Variants in ZNF438 observed in about 807,000 individuals in gnomAD.
ZNF438 encodes the protein zinc finger protein 438.
ZNF438 carries 25 observed loss-of-function variants against 38.0 expected under a neutral mutation model. The observed-to-expected ratio is 0.66, with a 90% confidence interval of 0.48 to 0.92. The LOEUF is 0.92. ZNF438 is among the 40% of genes least tolerant of loss of function. The probability of loss-of-function intolerance (pLI) is 0.00; values close to 1 mark genes in which losing one functional copy is unlikely to be tolerated. For synonymous variants in ZNF438, 372 were observed against 364.1 expected (o/e 1.02, Z -0.25); for missense variants, 1,007 against 999.6 (o/e 1.01, Z -0.10).
exon 6 of ZNF438, chr10:30,845,286 T>G: frequency 6.2e-7 from 1 of 1,614,144 alleles, no homozygotes; most frequent in African/African-American, 1.3e-5. Context: ...TGGACATGCA[T>G]GTGATTCCTC....
intron 3 of ZNF438, among the ~76,000 whole-genome samples, chr10:30,893,125 C>A (rs1005737583): frequency 3.3e-5 from 5 of 152,162 alleles, no homozygotes; most frequent in African/African-American, 9.7e-5. Context: ...TATCTAACAA[C>A]GCATGAAAGT....
intron 3 of ZNF438, among the ~76,000 whole-genome samples, chr10:30,891,861 C>T (rs1177579113): frequency 1.3e-5 from 2 of 152,100 alleles, no homozygotes; most frequent in Non-Finnish European, 2.9e-5. Context: ...GCAGAACATC[C>T]TTGGAATTTC....
At chr10:30,922,896 A>G (rs959920479) in intron 2 of ZNF438, among the ~76,000 whole-genome samples, 1 of 152,172 alleles carries the variant, frequency 6.6e-6, no homozygotes, top group South Asian at 2.1e-4. Flanking sequence ...CAAGTACACA[A>G]TGGAATTAAT....
At chr10:30,889,290 C>T (rs557663125) in intron 3 of ZNF438, among the ~76,000 whole-genome samples, 1 of 152,146 alleles carries the variant, frequency 6.6e-6, no homozygotes, top group African/African-American at 2.4e-5. Context: ...ATAGTAAATT[C>T]TTAATGCTTA....
intron 3 of ZNF438, among the ~76,000 whole-genome samples, chr10:30,900,755 G>A (rs2041882169): frequency 1.3e-5 from 2 of 152,066 alleles, no homozygotes. Context: ...ACAACAGAAG[G>A]TAAGTACACA....
chr10:30,893,760 T>G (rs923408280), intron 3 of ZNF438, among the ~76,000 whole-genome samples: 2 of 152,124 alleles, frequency 1.3e-5, no homozygotes, highest in Non-Finnish European at 2.9e-5. Context: ...CCTAAATCCT[T>G]TAGGGTACAA....
At chr10:30,874,862 T>A (rs891771157) in intron 4 of ZNF438, among the ~76,000 whole-genome samples, 2 of 151,602 alleles carry the variant, frequency 1.3e-5, no homozygotes, top group African/African-American at 4.8e-5. Context: ...TCTTTATAAA[T>A]TTTATGATAG....
At chr10:30,875,447 A>T (rs1320789535) in intron 4 of ZNF438, 1 of 980,960 alleles carries the variant, frequency 1.0e-6, no homozygotes, top group Non-Finnish European at 1.2e-6. Flanking sequence ...GCAGGTATGG[A>T]ATGGAGTCCA....
At chr10:31,000,877 T>C (rs2054586531) in intron 1 of ZNF438, among the ~76,000 whole-genome samples, 1 of 152,324 alleles carries the variant, frequency 6.6e-6, no homozygotes, top group African/African-American at 2.4e-5. Context: ...TCCAAAATCT[T>C]TTAGTGGCTT....
chr10:31,029,401 A>G (rs2057140134), intron 1 of ZNF438, among the ~76,000 whole-genome samples: 1 of 152,230 alleles, frequency 6.6e-6, no homozygotes, highest in Non-Finnish European at 1.5e-5. Context: ...TAAATTTGTA[A>G]TTTTCCTCAG....
intron 2 of ZNF438, among the ~76,000 whole-genome samples, chr10:30,940,985 T>C (rs1042505845): frequency 6.6e-6 from 1 of 152,200 alleles, no homozygotes; most frequent in Non-Finnish European, 1.5e-5. Flanking sequence ...ACGACTAGAC[T>C]TGATACAAAT....
intron 1 of ZNF438, among the ~76,000 whole-genome samples, chr10:30,957,302 C>G (rs2048967636): frequency 6.6e-6 from 1 of 152,176 alleles, no homozygotes; most frequent in African/African-American, 2.4e-5. Context: ...AACCCCTTGT[C>G]AGATGTGTAG....
chr10:30,980,782 A>C (rs1014480515), intron 1 of ZNF438, among the ~76,000 whole-genome samples: 2 of 152,224 alleles, frequency 1.3e-5, no homozygotes, highest in Admixed American at 6.5e-5. Flanking sequence ...CAACTTTTAG[A>C]GACCATAAAG....
intron 1 of ZNF438, among the ~76,000 whole-genome samples, chr10:30,991,352 T>C (rs571162930): frequency 5.8e-4 from 89 of 152,310 alleles, no homozygotes; most frequent in African/African-American, 2.0e-3. Context: ...TAGCCAGCCC[T>C]CATTTGTGGG....
intron 3 of ZNF438, among the ~76,000 whole-genome samples, chr10:30,907,118 G>A (rs1256775723): frequency 6.6e-6 from 1 of 152,172 alleles, no homozygotes; most frequent in Non-Finnish European, 1.5e-5. Context: ...GGGATCACAG[G>A]CATTCGCCAC....
intron 3 of ZNF438, among the ~76,000 whole-genome samples, chr10:30,902,222 C>T (rs1170260603): frequency 6.6e-6 from 1 of 152,106 alleles, no homozygotes; most frequent in Non-Finnish European, 1.5e-5. Flanking sequence ...TTACAGAGAG[C>T]TGATTGGTCT....
chr10:30,965,876 A>G (rs753567857), intron 1 of ZNF438, among the ~76,000 whole-genome samples: 1 of 152,196 alleles, frequency 6.6e-6, no homozygotes, highest in Non-Finnish European at 1.5e-5. Context: ...CAATATACTC[A>G]TGTAACAAAT....
At chr10:30,958,635 C>T (rs528742173) in intron 1 of ZNF438, among the ~76,000 whole-genome samples, 15 of 146,810 alleles carry the variant, frequency 1.0e-4, no homozygotes, top group African/African-American at 3.6e-4. Context: ...TATAGAGGAC[C>T]AGAATGTACT....
upstream of ZNF438, chr10:31,032,038 G>A (rs1690622): frequency 0.47 from 71,655 of 152,016 alleles, 18,020 homozygotes; most frequent in Middle Eastern, 0.58. Context: ...GGCGCAGACG[G>A]CCTCTGCGCC....
Sources: gnomAD v4.1 joint callset for allele counts (sites outside exome capture counted in the v4.1 genomes callset) on GRCh38, gnomAD v4.1.1 for gene constraint, MANE v1.5 for transcripts, NCBI Gene and HGNC (gene_info 2026-07-23, HGNC 2026-07-21) for gene names.